The following ABCA6 variants were observed in gnomAD, a reference collection of about 807,000 sequenced individuals.
The protein encoded by ABCA6 is ATP binding cassette subfamily A member 6, also known as ATP-binding cassette sub-family A member 6.
Under a neutral mutation model 191.2 loss-of-function variants are expected in ABCA6, and 164 were observed. The ratio of observed to expected loss-of-function variants is 0.86; its 90% CI spans 0.76 to 0.98. The LOEUF is 0.98. ABCA6 is among the 50% of genes least tolerant of loss of function. The probability of loss-of-function intolerance (pLI) is 0.00; values close to 1 mark genes in which losing one functional copy is unlikely to be tolerated. For missense variants in ABCA6, 1,958 were observed against 1,894.1 expected, an observed-to-expected ratio of 1.03 and a Z score of -0.63; for synonymous variants, 636 against 647.7, an observed-to-expected ratio of 0.98 and a Z score of 0.27.
intron 10 of ABCA6, among the ~76,000 whole-genome samples, chr17:69,122,332 C>T (rs151173729): frequency 6.6e-6 from 1 of 152,178 alleles, no homozygotes; most frequent in African/African-American, 2.4e-5. Context: ...GATCCATTAA[C>T]TTTGTACCAA....
At chr17:69,114,018 G>A (rs2073485740) in intron 13 of ABCA6, among the ~76,000 whole-genome samples, 1 of 152,086 alleles carries the variant, frequency 6.6e-6, no homozygotes, top group South Asian at 2.1e-4. Context: ...ACTCCTCAGG[G>A]ATCTAGAACT....
At chr17:69,119,560 G>A (rs2073601206) in intron 10 of ABCA6, among the ~76,000 whole-genome samples, 1 of 151,992 alleles carries the variant, frequency 6.6e-6, no homozygotes, top group Admixed American at 6.6e-5. Context: ...AGCCTCAGAG[G>A]GAAAGTCAAG....
At position 69,089,514 on chromosome 17, in the gene ABCA6, G is replaced by A. The variant is rs758078882; in HGVS notation, c.3557C>T (p.Pro1186Leu). ...VRDQEHYREF[P>L]EANFELSATD... ...GGCACTCAATTCAAAATTTGCCTCT[G>A]GAAATTCTCTGTAGTGCTCCTGGTC... Residue 1186 changes from proline (P) to leucine (L), a missense_variant, in exon 27 of 39, where the codon CCA (proline) becomes CTA (leucine). By Grantham distance (98) the Pro-to-Leu change is moderately conservative. Coordinates refer to ENST00000284425, the MANE Select transcript of ABCA6 (RefSeq NM_080284.3). The A allele has an allele frequency of 1.9e-6, 3 of 1,613,356 alleles. No homozygotes were observed. The highest frequency in any genetic ancestry group is 2.5e-6 in the Non-Finnish European group (3 of 1,179,794).
At chr17:69,139,555 T>C (rs2073997844) in intron 2 of ABCA6, among the ~76,000 whole-genome samples, 1 of 152,110 alleles carries the variant, frequency 6.6e-6, no homozygotes, top group South Asian at 2.1e-4. Flanking sequence ...CTCAGGGATC[T>C]AGAACTAGAA....
At position 69,118,681 on chromosome 17, in the gene ABCA6, C is replaced by T. The variant is rs376831091; in HGVS notation, c.1437-725G>A. 3.8e-3 allele frequency among the ~76,000 whole-genome samples: 579 copies of T among 152,114 alleles called. 22 individuals are homozygous for T. The South Asian group carries it at 0.073, about 19-fold the overall frequency. The stretch of plus-strand genomic sequence containing the variant: ...TGTTAATGGTGACTTAATTGCTTTG[C>T]TTCTTATTTTTCTAAATGTTCCTTC... On this transcript the variant is annotated intron_variant, in intron 10 of 38. Transcript: ENST00000284425.
chr17:69,093,559 C>T (rs1027018361), intron 25 of ABCA6, among the ~76,000 whole-genome samples: 2 of 152,202 alleles, frequency 1.3e-5, no homozygotes, highest in African/African-American at 2.4e-5. Context: ...CTTCCTGCTT[C>T]AAGTTTTTCC....
At position 69,129,700 on chromosome 17, in the gene ABCA6, G is replaced by C. The variant is rs531506351; in HGVS notation, c.843C>G (p.Phe281Leu). The C allele has an allele frequency of 5.6e-6, 9 of 1,602,088 alleles. No individual in the cohort carries two copies. The highest frequency in any genetic ancestry group is 1.1e-5 in the South Asian group (1 of 90,360). The change falls in exon 7 of 39, where the codon TTC (phenylalanine) becomes TTG (leucine). Residue 281 changes from phenylalanine (F) to leucine (L), a missense_variant. Physicochemically the swap from Phe to Leu is conservative, Grantham distance 22. Coordinates refer to ENST00000284425, the MANE Select transcript of ABCA6 (RefSeq NM_080284.3). ...GGGTGAATGTTATGATAATTGTAAC[G>C]AATATGGAAATAATAAAGATGAAGC... ...YAGFIFIISI[F>L]VTIIITFTQI...
chr17:69,092,439 A>T (rs2072947176), intron 25 of ABCA6, among the ~76,000 whole-genome samples: 1 of 152,172 alleles, frequency 6.6e-6, no homozygotes. Flanking sequence ...CCAGACCTCC[A>T]TATTTCTACA....
chr17:69,089,522 T>G lies in ABCA6; in HGVS notation c.3549A>C (p.Arg1183Ser). 2 of 1,613,508 alleles carry G rather than the reference T, an allele frequency of 1.2e-6. No homozygotes were observed. Among genetic ancestry groups the G allele is most frequent in the Non-Finnish European group, 1.7e-6 (2 of 1,179,848 alleles). Residue 1183 changes from arginine (R) to serine (S), a missense_variant, in exon 27 of 39, where the codon AGA (arginine) becomes AGC (serine). By Grantham distance (110) the Arg-to-Ser change is moderately radical. Transcript: ENST00000284425. The stretch of plus-strand genomic sequence containing the variant: ...ATTCAAAATTTGCCTCTGGAAATTC[T>G]CTGTAGTGCTCCTGGTCTCTCTGAA... Reference protein sequence around the residue: ...FLEVRDQEHYREFPEANFELS... With the variant: ...FLEVRDQEHYSEFPEANFELS...
chr17:69,086,483 CTAAATA>C, intron 30 of ABCA6, 129 bp downstream of exon 30: 2 of 93,926 alleles, frequency 2.1e-5, no homozygotes, highest in Non-Finnish European at 3.3e-5. Flanking sequence ...CCCTGGCACA[CTAAATA>C]TATATATATA....
intron 2 of ABCA6, among the ~76,000 whole-genome samples, 200 bp downstream of exon 2, chr17:69,140,408 T>C (rs971526045): frequency 1.3e-5 from 2 of 152,176 alleles, no homozygotes; most frequent in Non-Finnish European, 2.9e-5. Flanking sequence ...TCACTTAATC[T>C]CTTTTTATAT....
At chr17:69,136,397 G>T in intron 3 of ABCA6, 147 bp from the exon 4 acceptor site, 1 of 633,836 alleles carries the variant, frequency 1.6e-6, no homozygotes, top group Non-Finnish European at 2.5e-6. Flanking sequence ...CCAAATGCAA[G>T]GGGGGAAATT....
At chr17:69,133,975 C>G in intron 5 of ABCA6, 108 bp from the exon 6 acceptor site, 1 of 764,450 alleles carries the variant, frequency 1.3e-6, no homozygotes, top group Non-Finnish European at 2.1e-6. Context: ...ATTTTTCTTA[C>G]TGTACTGTAG....
chr17:69,096,846 T>C, intron 23 of ABCA6, 45 bp from the exon 24 acceptor site: 1 of 1,410,870 alleles, frequency 7.1e-7, no homozygotes, highest in South Asian at 1.5e-5. Flanking sequence ...ATAGATTCAA[T>C]TAAAATGCAA....
At chr17:69,090,362 A>C (rs2072897320) in intron 26 of ABCA6, among the ~76,000 whole-genome samples, 1 of 152,148 alleles carries the variant, frequency 6.6e-6, no homozygotes, top group South Asian at 2.1e-4. Flanking sequence ...AACCACATTC[A>C]GTTTCTTTAA....
intron 21 of ABCA6, among the ~76,000 whole-genome samples, chr17:69,101,381 G>C (rs1177325379): frequency 6.6e-6 from 1 of 152,046 alleles, no homozygotes; most frequent in Non-Finnish European, 1.5e-5. Context: ...GATCACTTGA[G>C]GTTAGGAGTT....
At position 69,112,211 on chromosome 17, in the gene ABCA6, T is replaced by A; in HGVS notation, c.2104A>T (p.Arg702Ter). The A allele has an allele frequency of 6.2e-7, 1 of 1,612,614 alleles. No individual in the cohort carries two copies. The highest frequency in any genetic ancestry group is 8.5e-7 in the Non-Finnish European group (1 of 1,179,050). ...AGGTGATATCCAAGACCCCACCTTC[T>A]TTTCAAAAACATAGAAGAACCTGCA... ...KCAGSSMFLKRRWGLGYHLSL... is the reference protein window; with the variant it reads ...KCAGSSMFLK The change falls in exon 16 of 39, where the codon AGA (arginine) becomes TGA (stop). Residue 702 changes from arginine (R) to a stop codon, truncating the protein, a stop_gained. Transcript: ENST00000284425. LOFTEE classifies it high-confidence loss of function.
chr17:69,085,733 G>C lies in ABCA6; in HGVS notation c.3938-17C>G. On this transcript the variant is annotated splice_polypyrimidine_tract_variant and intron_variant, in intron 30 of 38. Transcript: ENST00000284425. ...AAATTTCACCTGAAAGAAAGAATCA[G>C]ACTATCAATATTGGAAGTGAAATAC... 6.5e-7 allele frequency: 1 copy of C among 1,528,394 alleles called. No individual in the cohort carries two copies. The highest frequency in any genetic ancestry group is 9.1e-7 in the Non-Finnish European group (1 of 1,104,878). The allele number at this position is 1,528,394 out of a possible 1,614,324, so 94.7% of individuals were successfully genotyped here.
At chr17:69,103,017 TATCAAACTTTTAA>T (rs759638563) in intron 20 of ABCA6, 49 bp from the exon 21 acceptor site, 1 of 1,164,778 alleles carries the variant, frequency 8.6e-7, no homozygotes, top group South Asian at 1.5e-5. Context: ...AGAAAATACA[TATCAAACTTTTAA>T]AATAAGTCAT....
Sources: gnomAD v4.1 joint callset for allele counts (sites outside exome capture counted in the v4.1 genomes callset) on GRCh38, gnomAD v4.1.1 for gene constraint, MANE v1.5 for transcripts, NCBI Gene and HGNC (gene_info 2026-07-23, HGNC 2026-07-21) for gene names.